The following UBXN11 variants were observed in gnomAD, a reference collection of about 807,000 sequenced individuals.
UBXN11 encodes the protein UBX domain protein 11, also known as UBX domain-containing protein 11.
In UBXN11, 47 loss-of-function variants were observed where a neutral mutation model predicts 62.8. The observed-to-expected ratio is 0.75, with a 90% CI of 0.59 to 0.95. The LOEUF (loss-of-function observed/expected upper bound fraction) is 0.95. Among genes scored for constraint, UBXN11 ranks in the 40% least tolerant of loss-of-function variants. The pLI, the probability that UBXN11 is intolerant of heterozygous loss-of-function variation, is 0.00. For synonymous variants in UBXN11, 294 were observed against 267.0 expected (o/e 1.10, Z -0.99); for missense variants, 638 against 661.7 (o/e 0.96, Z 0.39).
At position 26,284,416 on chromosome 1, in the gene UBXN11, C is replaced by T; in HGVS notation, c.919G>A (p.Val307Met). Residue 307 changes from valine (V) to methionine (M), a missense_variant, in exon 11 of 15, where the codon GTG (valine) becomes ATG (methionine). Physicochemically the swap from Val to Met is conservative, Grantham distance 21 (BLOSUM62 1). Coordinates refer to ENST00000374222, the MANE Select transcript of UBXN11 (RefSeq NM_001389556.1). ...TTGTGCATCAGCTGCCTGCCCACCA[C>T]ACGGCCCTCGCCTGGGAAGGGGTCC... The part of the protein sequence containing the change: ...GLDPFPGEGR[V>M]VGRQLMHKAL... 1.9e-6 allele frequency: 3 copies of T among 1,613,978 alleles called. No homozygotes were observed. Among genetic ancestry groups the T allele is most frequent in the South Asian group, 1.1e-5 (1 of 91,048 alleles).
chr1:26,282,828 C>T (rs761148100), intron 13 of UBXN11, 36 bp downstream of exon 13: 46 of 1,613,924 alleles, frequency 2.9e-5, no homozygotes, highest in Admixed American at 1.7e-4. Context: ...GGTGACCCAA[C>T]GCCCCCAGGC....
chr1:26,284,163 G>A lies in UBXN11; in HGVS notation c.1056C>T (p.Gly352=). The change falls in exon 12 of 15, where the codon GGC becomes GGT. Residue 352 remains glycine (G), a synonymous_variant. Transcript: ENST00000374222. ...IRQGEVIDIR[G]PIRDTLQNCC... ...TCACCTGCAAGGTGTCCCTGATGGG[G>A]CCCCGGATGTCAATCACCTCGCCTT... 1 of 1,611,804 alleles carries A rather than the reference G, an allele frequency of 6.2e-7. No homozygotes were observed.
chr1:26,284,499 G>T lies in UBXN11; in HGVS notation c.853-17C>A. Reference sequence around the variant, plus strand: ...GTCACTCACCTGGCAAGAAAGAAGGGCAACGACGGCAGCGGACCCAGCTCT... The same window carrying T: ...GTCACTCACCTGGCAAGAAAGAAGGTCAACGACGGCAGCGGACCCAGCTCT... On this transcript the variant is annotated splice_polypyrimidine_tract_variant and intron_variant, in intron 10 of 14. Coordinates refer to ENST00000374222, the MANE Select transcript of UBXN11 (RefSeq NM_001389556.1). The T allele has an allele frequency of 1.9e-6, 3 of 1,576,486 alleles. No homozygotes were observed. Among genetic ancestry groups the T allele is most frequent in the Non-Finnish European group, 2.6e-6 (3 of 1,156,338 alleles).
chr1:26,302,436 A>G (rs1462809354), intron 2 of UBXN11, among the ~76,000 whole-genome samples: 2 of 151,334 alleles, frequency 1.3e-5, no homozygotes, highest in African/African-American at 4.9e-5. Context: ...GAGAGGTAAA[A>G]AATGTTTTGA....
chr1:26,284,378 C>G lies in UBXN11; in HGVS notation c.957G>C (p.Arg319Ser). The change falls in exon 11 of 15, where the codon AGG becomes AGC. Residue 319 changes from arginine (R) to serine (S), a missense_variant. Coordinates refer to ENST00000374222, the MANE Select transcript of UBXN11 (RefSeq NM_001389556.1). ...GRQLMHKALD[R>S]VEEHPGSRMT... ...CAAACTCACCTGGGTGCTCCTCCACCCTGTCCAAGGCCTTGTGCATCAGCT... is the reference window on the plus strand; with the variant it reads ...CAAACTCACCTGGGTGCTCCTCCACGCTGTCCAAGGCCTTGTGCATCAGCT... The G allele has an allele frequency of 6.2e-7, 1 of 1,614,084 alleles. No individual in the cohort carries two copies. Among genetic ancestry groups the G allele is most frequent in the Non-Finnish European group, 8.5e-7 (1 of 1,179,954 alleles).
chr1:26,314,871 A>G (rs1379276731), intron 1 of UBXN11, among the ~76,000 whole-genome samples: 2 of 152,194 alleles, frequency 1.3e-5, no homozygotes, highest in Non-Finnish European at 2.9e-5. Context: ...ATCTTGAAGA[A>G]TAAAGAAGAG....
At chr1:26,302,098 C>T (rs962539520) in intron 2 of UBXN11, among the ~76,000 whole-genome samples, 10 of 152,214 alleles carry the variant, frequency 6.6e-5, no homozygotes, top group East Asian at 3.9e-4. Context: ...GGGCCAGGCG[C>T]GGTGGCTGGT....
chr1:26,298,653 G>A (rs1275439432), intron 4 of UBXN11, among the ~76,000 whole-genome samples: 7 of 151,920 alleles, frequency 4.6e-5, no homozygotes, highest in Admixed American at 3.3e-4. Flanking sequence ...TCAGCCGGGC[G>A]TGGTGGCAGG....
intron 1 of UBXN11, among the ~76,000 whole-genome samples, chr1:26,313,571 C>T (rs1478909594): frequency 1.3e-5 from 2 of 152,154 alleles, no homozygotes; most frequent in African/African-American, 4.8e-5. Flanking sequence ...GTTGTATTCC[C>T]AGTGCCTAGT....
At chr1:26,302,190 C>A (rs933747946) in intron 2 of UBXN11, among the ~76,000 whole-genome samples, 1 of 151,788 alleles carries the variant, frequency 6.6e-6, no homozygotes, top group African/African-American at 2.4e-5. Context: ...CAGTGAAACC[C>A]GTCTCTACTA....
intron 8 of UBXN11, among the ~76,000 whole-genome samples, chr1:26,288,253 C>T (rs907048194): frequency 1.3e-5 from 2 of 151,288 alleles, no homozygotes; most frequent in African/African-American, 2.4e-5. Context: ...CTCCCAGGGC[C>T]GGGGGTTTTT....
chr1:26,282,892 T>C lies in UBXN11; in HGVS notation c.1123A>G (p.Thr375Ala). ...PARIQEIVVETPTLAAERERS... is the reference protein window; with the variant it reads ...PARIQEIVVEAPTLAAERERS... ...TCTCGCTCAGCGGCCAAGGTGGGCG[T>C]CTCCACCACAATCTCCTGGATCCGG... The change falls in exon 13 of 15, where the codon ACG becomes GCG. Residue 375 changes from threonine to alanine, a missense_variant. Transcript: ENST00000374222. The C allele has an allele frequency of 6.2e-7, 1 of 1,613,940 alleles. No individual in the cohort carries two copies. The highest frequency in any genetic ancestry group is 1.7e-5 in the Admixed American group (1 of 60,004).
chr1:26,312,084 C>G (rs565739533), intron 1 of UBXN11, among the ~76,000 whole-genome samples: 2 of 152,108 alleles, frequency 1.3e-5, no homozygotes, highest in Non-Finnish European at 1.5e-5. Flanking sequence ...GCCTCTCCTT[C>G]CAATGAGAAC....
chr1:26,299,342 T>C (rs934416387), intron 4 of UBXN11, among the ~76,000 whole-genome samples: 1 of 151,622 alleles, frequency 6.6e-6, no homozygotes, highest in Non-Finnish European at 1.5e-5. Flanking sequence ...AGAAACCCTG[T>C]CTCTACTAAA....
At chr1:26,298,900 G>A (rs1011127975) in intron 4 of UBXN11, among the ~76,000 whole-genome samples, 9 of 151,548 alleles carry the variant, frequency 5.9e-5, no homozygotes, top group Admixed American at 2.0e-4. Context: ...AGCAGGAACC[G>A]CGGCCATCAT....
At chr1:26,289,180 C>T (rs997708981) in intron 8 of UBXN11, among the ~76,000 whole-genome samples, 1 of 152,226 alleles carries the variant, frequency 6.6e-6, no homozygotes, top group Non-Finnish European at 1.5e-5. Context: ...AACCCTGGGC[C>T]TCTATGGGCC....
chr1:26,289,461 T>G (rs2124641979), intron 8 of UBXN11, among the ~76,000 whole-genome samples: 1 of 152,042 alleles, frequency 6.6e-6, no homozygotes, highest in Non-Finnish European at 1.5e-5. Context: ...TCTGCTTGCT[T>G]GTTTGCCTTC....
chr1:26,296,988 T>C lies in UBXN11; in HGVS notation c.363A>G (p.Ala121=). The C allele has an allele frequency of 6.2e-7, 1 of 1,602,268 alleles. No individual in the cohort carries two copies. Among genetic ancestry groups the C allele is most frequent in the Non-Finnish European group, 8.5e-7 (1 of 1,173,974 alleles). The part of the protein sequence containing the change: ...VQTLRPHPAE[A]TLQRQEELET... Reference sequence around the variant, plus strand: ...CCAGTTCCTCCTGCCGCTGCAGGGTTGCCTCGGCTTCAGGGAAAGACAGGG... The same window carrying C: ...CCAGTTCCTCCTGCCGCTGCAGGGTCGCCTCGGCTTCAGGGAAAGACAGGG... The change falls in exon 7 of 15, where the codon GCA becomes GCG. Residue 121 remains alanine (A), a synonymous_variant. Transcript: ENST00000374222.
At position 26,282,355 on chromosome 1, in the gene UBXN11, G is replaced by A. The variant is rs775798390; in HGVS notation, c.1507C>T (p.Pro503Ser). 2.7e-6 allele frequency: 1 copy of A among 365,966 alleles called. No individual in the cohort carries two copies. The highest frequency in any genetic ancestry group is 4.4e-5 in the African/African-American group (1 of 22,780). The allele number at this position is 365,966 out of a possible 1,614,324, so 22.7% of individuals were successfully genotyped here. ...PSPGPGPGPS[P>S]GPGPGPSPCP... ...GGACTGGGGCCGGGACCGGGACCGGGACTGGGGCCGGGACCGGGACCGGGA... is the reference window on the plus strand; with the variant it reads ...GGACTGGGGCCGGGACCGGGACCGGAACTGGGGCCGGGACCGGGACCGGGA... Residue 503 changes from proline (P) to serine (S), a missense_variant, in exon 15 of 15, where the codon CCC becomes TCC. By Grantham distance (74) the Pro-to-Ser change is moderately conservative. Transcript: ENST00000374222.
Sources: gnomAD v4.1 joint callset for allele counts (sites outside exome capture counted in the v4.1 genomes callset) on GRCh38, gnomAD v4.1.1 for gene constraint, MANE v1.5 for transcripts, NCBI Gene and HGNC (gene_info 2026-07-23, HGNC 2026-07-21) for gene names.